The following OTOGL variants were observed in gnomAD, a reference collection of about 807,000 sequenced individuals.
The protein encoded by OTOGL is otogelin like.
In OTOGL, 285 loss-of-function variants were observed where a neutral mutation model predicts 318.5. The observed-to-expected ratio is 0.89, with a 90% CI of 0.81 to 0.99. The LOEUF (loss-of-function observed/expected upper bound fraction) is 0.99, where lower values mean the gene tolerates loss of function less well. OTOGL is among the 50% of genes least tolerant of loss of function. OTOGL has a pLI of 0.00. For synonymous variants in OTOGL, 987 were observed against 936.5 expected, an observed-to-expected ratio of 1.05 and a Z score of -0.99; for missense variants, 2,899 against 2,845.6, an observed-to-expected ratio of 1.02 and a Z score of -0.43.
At chr12:80,377,070 G>T in intron 57 of OTOGL, 53 bp from the exon 58 acceptor site, 1 of 1,261,764 alleles carries the variant, frequency 7.9e-7, no homozygotes, top group Non-Finnish European at 1.1e-6. Context: ...TTTAATTTAA[G>T]AAACAATTTA....
At chr12:80,347,899 G>C (rs879387557) in intron 44 of OTOGL, among the ~76,000 whole-genome samples, 1 of 152,034 alleles carries the variant, frequency 6.6e-6, no homozygotes, top group Non-Finnish European at 1.5e-5. Flanking sequence ...TCATATGTTT[G>C]TTGGCCGCAT....
At chr12:80,169,351 T>C (rs1200129753) in intron 1 of OTOGL, among the ~76,000 whole-genome samples, 1 of 152,176 alleles carries the variant, frequency 6.6e-6, no homozygotes, top group African/African-American at 2.4e-5. Context: ...CCTTTGTGTT[T>C]AGCATTCTTG....
At chr12:80,277,631 G>A (rs922095441) in intron 24 of OTOGL, among the ~76,000 whole-genome samples, 2 of 151,240 alleles carry the variant, frequency 1.3e-5, no homozygotes, top group African/African-American at 4.8e-5. Flanking sequence ...AAATAAATAA[G>A]AAACAATGTG....
chr12:80,176,395 C>A (rs1874530111), intron 1 of OTOGL, among the ~76,000 whole-genome samples: 1 of 152,114 alleles, frequency 6.6e-6, no homozygotes, highest in South Asian at 2.1e-4. Context: ...ATCTCTCTTT[C>A]CCATTCCCTT....
At chr12:80,124,459 A>G (rs549386480) in intron 1 of OTOGL, among the ~76,000 whole-genome samples, 20 of 152,272 alleles carry the variant, frequency 1.3e-4, no homozygotes, top group Non-Finnish European at 2.5e-4. Flanking sequence ...TATGGTTTGA[A>G]GTCAGGTAGC....
chr12:80,367,098 G>A (rs936024601), intron 53 of OTOGL, among the ~76,000 whole-genome samples: 13 of 149,852 alleles, frequency 8.7e-5, no homozygotes, highest in African/African-American at 2.9e-4. Context: ...CACCTTAACT[G>A]CCTGAGTAGC....
chr12:80,124,079 C>T (rs556063155), intron 1 of OTOGL, among the ~76,000 whole-genome samples: 29 of 152,130 alleles, frequency 1.9e-4, no homozygotes, highest in Non-Finnish European at 2.5e-4. Context: ...TTATTGCCAT[C>T]GCTTTTGGTG....
At chr12:80,132,100 C>G (rs1871274529) in intron 1 of OTOGL, 1 of 152,164 alleles carries the variant, frequency 6.6e-6, no homozygotes, top group Non-Finnish European at 1.5e-5. Flanking sequence ...AGAAATCTGT[C>G]TTTTGGCATA....
At chr12:80,339,361 T>A (rs887261644) in intron 43 of OTOGL, 97 bp downstream of exon 43, 25 of 1,014,136 alleles carry the variant, frequency 2.5e-5, no homozygotes, top group Non-Finnish European at 3.5e-5. Flanking sequence ...TGTTGCCCCA[T>A]TTTTCAGATT....
intron 38 of OTOGL, among the ~76,000 whole-genome samples, chr12:80,335,732 G>A (rs1888350110): frequency 6.6e-6 from 1 of 151,804 alleles, no homozygotes; most frequent in Non-Finnish European, 1.5e-5. Context: ...TGAATATATG[G>A]GCAATCTAAT....
intron 1 of OTOGL, among the ~76,000 whole-genome samples, chr12:80,127,652 T>A (rs1027508920): frequency 6.6e-6 from 1 of 152,252 alleles, no homozygotes; most frequent in Non-Finnish European, 1.5e-5. Flanking sequence ...CTTGGTTCCA[T>A]TCTCTCCGTC....
intron 1 of OTOGL, among the ~76,000 whole-genome samples, chr12:80,184,632 A>C (rs1875158288): frequency 6.6e-6 from 1 of 152,090 alleles, no homozygotes; most frequent in South Asian, 2.1e-4. Flanking sequence ...AAATTGAGAT[A>C]ATCTGAGTGG....
chr12:80,301,477 C>T lies in OTOGL; in HGVS notation c.3064-1157C>T, dbSNP rs766678129. ...TTACTCTGGATAACTTGGTTGCAAA[C>T]GTCTCAGGCTATGATCCATCATGTA... On this transcript the variant is annotated intron_variant, in intron 27 of 58. Transcript: ENST00000547103. 2.4e-4 allele frequency among the ~76,000 whole-genome samples: 36 copies of T among 152,200 alleles called. 1 individual carries two copies. Among genetic ancestry groups the T allele is most frequent in the South Asian group, 4.1e-4 (2 of 4,838 alleles).
intron 11 of OTOGL, among the ~76,000 whole-genome samples, chr12:80,251,436 CAAAAG>C (rs1378635106): frequency 6.6e-6 from 1 of 152,038 alleles, no homozygotes; most frequent in Non-Finnish European, 1.5e-5. Context: ...TCCTTTGACT[CAAAAG>C]AAAAGTGATA....
intron 1 of OTOGL, among the ~76,000 whole-genome samples, chr12:80,155,576 TG>T (rs35447849): frequency 6.6e-6 from 1 of 152,260 alleles, no homozygotes; most frequent in African/African-American, 2.4e-5. Context: ...TCAAGTAATA[TG>T]GGGTATCCAT....
rs1050221930 is a variant in OTOGL at position 80,334,141 on chromosome 12, G to A, written c.4422+1063G>A. 4.4e-4 allele frequency among the ~76,000 whole-genome samples: 67 copies of A among 152,212 alleles called. 1 individual carries two copies. The highest frequency in any genetic ancestry group is 1.6e-3 in the African/African-American group (67 of 41,550). On this transcript the variant is annotated intron_variant, in intron 38 of 58. Transcript: ENST00000547103. ...TTTAGGAGGCTATTGTAGGAATTTA[G>A]GCCAGAGATGATGATCTATCACCTG...
Position 80,159,145 on chromosome 12 carries a change from T to C in OTOGL, c.-19-50268T>C, listed in dbSNP as rs1592505317. Among the ~76,000 whole-genome samples the C allele has an allele frequency of 1.3e-5, 2 of 151,998 alleles. 1 individual carries two copies. On this transcript the variant is annotated intron_variant, in intron 1 of 58. Coordinates refer to ENST00000547103, the MANE Select transcript of OTOGL (RefSeq NM_001378609.3). ...GTGCTGTATCACATTTATTGACTTG[T>C]GTATGTTAAACCATCCCTGCAACCC...
chr12:80,212,338 G>A (rs1877330586), intron 4 of OTOGL, among the ~76,000 whole-genome samples: 1 of 152,106 alleles, frequency 6.6e-6, no homozygotes, highest in Non-Finnish European at 1.5e-5. Flanking sequence ...AATGACAACA[G>A]TATAATGTAC....
intron 33 of OTOGL, among the ~76,000 whole-genome samples, chr12:80,319,571 G>A (rs886397167): frequency 1.3e-5 from 2 of 151,830 alleles, no homozygotes; most frequent in South Asian, 2.1e-4. Context: ...ATTATTCTTG[G>A]CATCTTTTGG....
Sources: allele counts gnomAD v4.1 joint callset (sites outside exome capture counted in the v4.1 genomes callset), GRCh38; gene constraint gnomAD v4.1.1; transcripts MANE v1.5; gene names NCBI Gene and HGNC (gene_info 2026-07-23, HGNC 2026-07-21).